The following BPIFB6 variants were observed in gnomAD, a reference collection of about 807,000 sequenced individuals.
The protein encoded by BPIFB6 is BPI fold-containing family B member 6.
A neutral mutation model predicts 54.7 loss-of-function variants in BPIFB6; 47 were observed. The ratio of observed to expected loss-of-function variants is 0.86; its 90% CI spans 0.68 to 1.10. The LOEUF (loss-of-function observed/expected upper bound fraction) is 1.10. Among genes scored for constraint, BPIFB6 ranks in the 50% least tolerant of loss-of-function variants. The pLI is 0.00. For missense variants in BPIFB6, 603 were observed against 564.1 expected (o/e 1.07, Z -0.70); for synonymous variants, 255 against 225.9 (o/e 1.13, Z -1.16).
Position 33,039,380 on chromosome 20 carries a change from A to G in BPIFB6, c.934A>G (p.Thr312Ala). The G allele has an allele frequency of 6.2e-7, 1 of 1,613,468 alleles. No homozygotes were observed. The highest frequency in any genetic ancestry group is 8.5e-7 in the Non-Finnish European group (1 of 1,179,818). ...AGCTTATCCCAAGTCAAAGCCCTTG[A>G]CGACCCAGATCAAGATAAAGAAGCC... is the stretch of plus-strand genomic sequence containing the variant. The part of the protein sequence containing the change: ...AVAYPKSKPL[T>A]TQIKIKKPPK... The change falls in exon 10 of 15, where the codon ACG (threonine) becomes GCG (alanine). Residue 312 changes from threonine (T) to alanine (A), a missense_variant. Thr to Ala is a moderately conservative substitution (Grantham distance 58, BLOSUM62 0). Coordinates refer to ENST00000349552, the MANE Select transcript of BPIFB6 (RefSeq NM_174897.2).
chr20:33,032,470 T>A (rs1979145521), intron 1 of BPIFB6, among the ~76,000 whole-genome samples: 1 of 152,152 alleles, frequency 6.6e-6, no homozygotes, highest in African/African-American at 2.4e-5. Flanking sequence ...CCTAATCACC[T>A]AGGCTTGGGA....
chr20:33,034,319 G>T, intron 3 of BPIFB6, 29 bp downstream of exon 3: 1 of 1,466,892 alleles, frequency 6.8e-7, no homozygotes, highest in South Asian at 1.1e-5. Context: ...GGGCAGCGGG[G>T]AGGAGAACGG....
At chr20:33,035,725 T>C in intron 6 of BPIFB6, 53 bp downstream of exon 6, 3 of 1,553,882 alleles carry the variant, frequency 1.9e-6, no homozygotes, top group Non-Finnish European at 2.7e-6. Context: ...TCAGGATAGA[T>C]AGACTTTGAT....
At chr20:33,038,600 A>G (rs1422766614) in intron 8 of BPIFB6, among the ~76,000 whole-genome samples, 1 of 152,020 alleles carries the variant, frequency 6.6e-6, no homozygotes, top group Non-Finnish European at 1.5e-5. Flanking sequence ...CCATCTGTCT[A>G]TTCATCTCCA....
chr20:33,038,873 A>G, intron 8 of BPIFB6, 36 bp from the exon 9 acceptor site: 1 of 1,605,592 alleles, frequency 6.2e-7, no homozygotes, highest in Non-Finnish European at 8.5e-7. Flanking sequence ...GCCAGGGAGG[A>G]CTCCAGCAAC....
rs529969048 is a variant in BPIFB6 at position 33,041,902 on chromosome 20, C to T, written c.1143-68C>T. ...GGGTGCTTGGGACCCCCTTCTCCAG[C>T]GCCAGGGCCACTGGCTCTGACCGTT... is the stretch of plus-strand genomic sequence containing the variant. On this transcript the variant is annotated intron_variant, in intron 11 of 14. Coordinates refer to ENST00000349552, the MANE Select transcript of BPIFB6 (RefSeq NM_174897.2). 1.0e-4 allele frequency: 146 copies of T among 1,456,948 alleles called. No individual in the cohort carries two copies. In the East Asian group the frequency reaches 1.5e-3, roughly 15 times the overall value. The allele number at this position is 1,456,948 out of a possible 1,614,324, so 90.3% of individuals were successfully genotyped here.
chr20:33,039,325 T>G (rs1238291529), intron 9 of BPIFB6, 22 bp from the exon 10 acceptor site: 1 of 1,588,094 alleles, frequency 6.3e-7, no homozygotes, highest in South Asian at 1.1e-5. Context: ...TGGCCCTGAG[T>G]GAAGTGTTCT....
At position 33,036,459 on chromosome 20, in the gene BPIFB6, G is replaced by A; in HGVS notation, c.592G>A (p.Gly198Ser). 3.7e-6 allele frequency: 6 copies of A among 1,613,616 alleles called. No individual in the cohort carries two copies. The highest frequency in any genetic ancestry group is 4.2e-6 in the Non-Finnish European group (5 of 1,179,756). Residue 198 changes from glycine to serine, a missense_variant, in exon 7 of 15, where the codon GGC becomes AGC. Transcript: ENST00000349552. ...WTNLSDPMPV[G>S]QMGTVKYVLM... ...TTTTCACACAGACCCCATGCCTGTG[G>A]GCCAGATGGGCACCGTCAAATATGT...
At chr20:33,036,188 G>A (rs1211173474) in intron 6 of BPIFB6, among the ~76,000 whole-genome samples, 1 of 152,106 alleles carries the variant, frequency 6.6e-6, no homozygotes, top group South Asian at 2.1e-4. Context: ...TCCTGACCAT[G>A]CCAGTCTGTT....
chr20:33,034,088 G>A, intron 2 of BPIFB6, 98 bp from the exon 3 acceptor site: 1 of 835,426 alleles, frequency 1.2e-6, no homozygotes, highest in Non-Finnish European at 2.1e-6. Flanking sequence ...AGGAGGCCGG[G>A]GTTATCGAAA....
intron 9 of BPIFB6, 101 bp from the exon 10 acceptor site, chr20:33,039,246 T>G: frequency 2.5e-6 from 3 of 1,222,888 alleles, no homozygotes; most frequent in Non-Finnish European, 3.4e-6. Context: ...GTACTTCCTG[T>G]GTCCAACGTA....
At chr20:33,031,767 C>T (rs368831295) in intron 1 of BPIFB6, 23 bp downstream of exon 1, 118 of 1,609,274 alleles carry the variant, frequency 7.3e-5, no homozygotes, top group Middle Eastern at 1.6e-4. Flanking sequence ...TGGGCCCGGG[C>T]GTGCAGCTGG....
intron 1 of BPIFB6, among the ~76,000 whole-genome samples, chr20:33,031,993 C>T (rs1979121874): frequency 6.6e-6 from 1 of 152,184 alleles, no homozygotes. Context: ...TTTGGAGTCT[C>T]TCCTTGGCCC....
chr20:33,035,231 C>T, intron 5 of BPIFB6, 87 bp downstream of exon 5: 1 of 1,347,422 alleles, frequency 7.4e-7, no homozygotes. Flanking sequence ...TGGGTGCTGA[C>T]CCTGATTGAC....
intron 11 of BPIFB6, among the ~76,000 whole-genome samples, chr20:33,041,595 AGGGAC>A (rs1442274965): frequency 6.6e-6 from 1 of 152,068 alleles, no homozygotes; most frequent in East Asian, 1.9e-4. Flanking sequence ...GAGGCTGTAC[AGGGAC>A]GGGGCTGGGG....
Position 33,040,423 on chromosome 20 carries a change from A to G in BPIFB6, c.1142+105A>G, listed in dbSNP as rs1431154984. Reference sequence around the variant, plus strand: ...AGCTGATCCACCCAGCACACCCCCAACTACCAGGCTGCTCTAGCTACTTTT... The same window carrying G: ...AGCTGATCCACCCAGCACACCCCCAGCTACCAGGCTGCTCTAGCTACTTTT... On this transcript the variant is annotated intron_variant, in intron 11 of 14. Coordinates refer to ENST00000349552, the MANE Select transcript of BPIFB6 (RefSeq NM_174897.2). 5 of 1,026,326 alleles carry G rather than the reference A, an allele frequency of 4.9e-6. No individual in the cohort carries two copies. In the African/African-American group the frequency reaches 6.3e-5, roughly 13 times the overall value. 63.6% of individuals were successfully genotyped at this position (1,026,326 alleles called of 1,614,324 possible).
chr20:33,040,470 G>T, intron 11 of BPIFB6, 152 bp downstream of exon 11: 1 of 698,016 alleles, frequency 1.4e-6, no homozygotes, highest in South Asian at 1.7e-5. Context: ...ACCCTCAATG[G>T]CTCCTCATTG....
chr20:33,032,969 G>A lies in BPIFB6; in HGVS notation c.98-15G>A. 6 of 1,605,034 alleles carry A rather than the reference G, an allele frequency of 3.7e-6. No individual in the cohort carries two copies. The highest frequency in any genetic ancestry group is 5.1e-6 in the Non-Finnish European group (6 of 1,171,910). On this transcript the variant is annotated splice_polypyrimidine_tract_variant and intron_variant, in intron 1 of 14. Coordinates refer to ENST00000349552, the MANE Select transcript of BPIFB6 (RefSeq NM_174897.2). ...GCCCAGGGAAAATCTCTCCAACTAAGTGTCTCCACTCCAGAGGTCCAGAGC... is the reference window on the plus strand; with the variant it reads ...GCCCAGGGAAAATCTCTCCAACTAAATGTCTCCACTCCAGAGGTCCAGAGC...
At chr20:33,039,245 G>C (rs768850571) in intron 9 of BPIFB6, 102 bp from the exon 10 acceptor site, 468 of 1,218,034 alleles carry the variant, frequency 3.8e-4, no homozygotes, top group Non-Finnish European at 4.9e-4. Flanking sequence ...TGTACTTCCT[G>C]TGTCCAACGT....
Sources: allele counts gnomAD v4.1 joint callset (sites outside exome capture counted in the v4.1 genomes callset), GRCh38; gene constraint gnomAD v4.1.1; transcripts MANE v1.5; gene names NCBI Gene and HGNC (gene_info 2026-07-23, HGNC 2026-07-21).